Variants in TBC1D32 observed in about 807,000 individuals in gnomAD.
TBC1D32 encodes the protein TBC1 domain family member 32, also known as protein broad-minded.
A neutral mutation model predicts 170.3 loss-of-function variants in TBC1D32; 151 were observed. That is an observed-to-expected ratio of 0.89 (90% CI 0.78 to 1.01). TBC1D32 has a LOEUF of 1.01. Among genes scored for constraint, TBC1D32 ranks in the 50% least tolerant of loss-of-function variants. The probability of loss-of-function intolerance (pLI) is 0.00; values close to 1 mark genes in which losing one functional copy is unlikely to be tolerated. For missense variants in TBC1D32, 1,464 were observed against 1,457.1 expected (o/e 1.00, Z -0.08); for synonymous variants, 498 against 488.0 (o/e 1.02, Z -0.27).
At chr6:121,110,335 C>T (rs543422688) in intron 29 of TBC1D32, among the ~76,000 whole-genome samples, 2 of 151,238 alleles carry the variant, frequency 1.3e-5, no homozygotes, top group Non-Finnish European at 3.0e-5. Context: ...TACTATGGGC[C>T]TATAGTTTGG....
At chr6:121,218,689 A>T (rs1190640163) in intron 21 of TBC1D32, among the ~76,000 whole-genome samples, 1 of 152,104 alleles carries the variant, frequency 6.6e-6, no homozygotes, top group Non-Finnish European at 1.5e-5. Context: ...ACATAGAGAG[A>T]TATATCCTAT....
intron 1 of TBC1D32, among the ~76,000 whole-genome samples, chr6:121,331,598 T>C (rs773504643): frequency 1.3e-5 from 2 of 152,156 alleles, no homozygotes; most frequent in African/African-American, 4.8e-5. Flanking sequence ...GAATCAATGT[T>C]CTAATAGTGG....
intron 22 of TBC1D32, among the ~76,000 whole-genome samples, chr6:121,188,872 G>A (rs1012547143): frequency 6.6e-6 from 1 of 152,082 alleles, no homozygotes; most frequent in African/African-American, 2.4e-5. Context: ...GTGGGCTCTG[G>A]GCTGGAAGTG....
chr6:121,281,981 C>T (rs1392972392), intron 13 of TBC1D32, among the ~76,000 whole-genome samples: 28 of 151,720 alleles, frequency 1.8e-4, no homozygotes, highest in Admixed American at 1.8e-3. Context: ...AAGATTTGGT[C>T]TGAAGCAAAT....
At chr6:121,142,121 G>T (rs1018419137) in intron 24 of TBC1D32, among the ~76,000 whole-genome samples, 5 of 151,908 alleles carry the variant, frequency 3.3e-5, no homozygotes, top group African/African-American at 1.2e-4. Flanking sequence ...CGCCAGCTTA[G>T]GGGGGCTGCA....
intron 21 of TBC1D32, among the ~76,000 whole-genome samples, chr6:121,219,035 C>T (rs911841268): frequency 3.9e-5 from 6 of 152,134 alleles, no homozygotes; most frequent in African/African-American, 1.4e-4. Context: ...CAAACTAATA[C>T]AGGGAGGTTC....
chr6:121,100,291 T>G (rs937426067), intron 30 of TBC1D32, among the ~76,000 whole-genome samples: 7 of 151,982 alleles, frequency 4.6e-5, no homozygotes, highest in Admixed American at 4.6e-4. Context: ...GTCCGATTGG[T>G]GCAGAGCTGA....
In TBC1D32 at chr6:121,139,287, G is replaced by A. The variant is rs115916963; in HGVS notation, c.2774-7535C>T. On this transcript the variant is annotated intron_variant, in intron 24 of 31. Coordinates refer to ENST00000398212, the MANE Select transcript of TBC1D32 (RefSeq NM_152730.6). The stretch of plus-strand genomic sequence containing the variant: ...TCCAGTCCAGTCATTCGTTAAATAG[G>A]CAATTTTCATTATTTTATCAAAATG... Among the ~76,000 whole-genome samples, 1,329 of 152,148 alleles carry A rather than the reference G, an allele frequency of 8.7e-3. 21 individuals carry two copies. The highest frequency in any genetic ancestry group is 0.03 in the African/African-American group (1,244 of 41,522).
intron 24 of TBC1D32, among the ~76,000 whole-genome samples, chr6:121,134,965 C>A (rs914437695): frequency 6.6e-6 from 1 of 152,076 alleles, no homozygotes; most frequent in Non-Finnish European, 1.5e-5. Context: ...CAAAGGCCCC[C>A]CTGACTGTTC....
chr6:121,142,893 G>A (rs1782975956), intron 24 of TBC1D32, among the ~76,000 whole-genome samples: 1 of 152,096 alleles, frequency 6.6e-6, no homozygotes, highest in Non-Finnish European at 1.5e-5. Context: ...AGGGAATTAT[G>A]AGGCAATCTC....
Position 121,208,081 on chromosome 6 carries a change from T to A in TBC1D32, c.2482-2918A>T, listed in dbSNP as rs1277433123. Among the ~76,000 whole-genome samples the A allele has an allele frequency of 2.7e-5, 4 of 150,924 alleles. No homozygotes were observed. In the East Asian group the frequency reaches 7.8e-4, roughly 29 times the overall value. The stretch of plus-strand genomic sequence containing the variant: ...CTCTCCTGTTTGGGGTTTTAGAGAG[T>A]TAAATGGTGACCCCTCACACACACA... On this transcript the variant is annotated intron_variant, in intron 21 of 31. Transcript: ENST00000398212.
chr6:121,283,751 G>A (rs534925259), intron 13 of TBC1D32, 67 bp downstream of exon 13: 1 of 1,234,914 alleles, frequency 8.1e-7, no homozygotes, highest in Non-Finnish European at 1.2e-6. Context: ...AAAACATCTA[G>A]ACAATAGAAT....
chr6:121,085,300 C>CAT (rs1368570179), intron 31 of TBC1D32, among the ~76,000 whole-genome samples: 8 of 143,114 alleles, frequency 5.6e-5, no homozygotes, highest in Admixed American at 5.0e-4. Context: ...TATATACATA[C>CAT]ATATATATAC....
intron 22 of TBC1D32, among the ~76,000 whole-genome samples, chr6:121,203,711 A>AAAG (rs1791883084): frequency 6.6e-6 from 1 of 151,358 alleles, no homozygotes; most frequent in Non-Finnish European, 1.5e-5. Context: ...CACAACCAGT[A>AAAG]AAGAGCAGGC....
intron 22 of TBC1D32, among the ~76,000 whole-genome samples, chr6:121,183,633 C>A (rs1262719654): frequency 6.6e-6 from 1 of 152,038 alleles, no homozygotes; most frequent in Non-Finnish European, 1.5e-5. Flanking sequence ...TTCACAGAAA[C>A]CTATCATCAT....
intron 29 of TBC1D32, among the ~76,000 whole-genome samples, chr6:121,110,590 G>A (rs190204836): frequency 2.6e-5 from 4 of 152,192 alleles, no homozygotes; most frequent in East Asian, 1.9e-4. Flanking sequence ...TAGCCAATGT[G>A]TCTGTCACCA....
At chr6:121,088,687 CA>C (rs895712926) in intron 31 of TBC1D32, among the ~76,000 whole-genome samples, 1 of 152,000 alleles carries the variant, frequency 6.6e-6, no homozygotes, top group East Asian at 1.9e-4. Flanking sequence ...TGGTATCTAT[CA>C]AAAAAACATT....
chr6:121,170,610 A>G lies in TBC1D32; in HGVS notation c.2571-9554T>C, dbSNP rs1413960238. The G allele has an allele frequency of 6.2e-6, 6 of 966,686 alleles. No individual in the cohort carries two copies. The East Asian group carries it at 1.8e-4, about 28-fold the overall frequency. 59.9% of individuals were successfully genotyped at this position (966,686 alleles called of 1,614,324 possible). On this transcript the variant is annotated intron_variant, in intron 22 of 31. Transcript: ENST00000398212. Reference sequence around the variant, plus strand: ...TACATCCTTGATGTCTCAAAGTAATACCTGTACATCAAAATCTAAATCTAA... The same window carrying G: ...TACATCCTTGATGTCTCAAAGTAATGCCTGTACATCAAAATCTAAATCTAA...
At chr6:121,287,160 C>G (rs1201405728) in intron 12 of TBC1D32, among the ~76,000 whole-genome samples, 1 of 151,974 alleles carries the variant, frequency 6.6e-6, no homozygotes, top group African/African-American at 2.4e-5. Flanking sequence ...CAATATTAAC[C>G]TTAAATGTAA....
Sources: gnomAD v4.1 joint callset for allele counts (sites outside exome capture counted in the v4.1 genomes callset) on GRCh38, gnomAD v4.1.1 for gene constraint, MANE v1.5 for transcripts, NCBI Gene and HGNC (gene_info 2026-07-23, HGNC 2026-07-21) for gene names.